The following RIPK1 variants were observed in gnomAD, a reference collection of about 807,000 sequenced individuals.
RIPK1 encodes receptor interacting serine/threonine kinase 1.
A neutral mutation model predicts 62.4 loss-of-function variants in RIPK1; 27 were observed. That is an observed-to-expected ratio of 0.43 (90% confidence interval 0.32 to 0.60). The LOEUF (loss-of-function observed/expected upper bound fraction) is 0.60, where lower values mean the gene tolerates loss of function less well. RIPK1 is among the 20% of genes least tolerant of loss of function. RIPK1 has a pLI of 0.07. For missense variants in RIPK1, 735 were observed against 831.0 expected (o/e 0.88, Z 1.42); for synonymous variants, 287 against 303.2 (o/e 0.95, Z 0.55).
At chr6:3,109,022 T>A (rs751844860) in intron 9 of RIPK1, among the ~76,000 whole-genome samples, 3 of 152,172 alleles carry the variant, frequency 2.0e-5, no homozygotes, top group Non-Finnish European at 2.9e-5. Context: ...TACAAAGATA[T>A]GCCAAGTGCT....
chr6:3,104,166 T>A lies in RIPK1; in HGVS notation c.916-59T>A. 3 of 716,234 alleles carry A rather than the reference T, an allele frequency of 4.2e-6. No homozygotes were observed. The East Asian group carries it at 7.8e-5, about 19-fold the overall frequency. The allele number at this position is 716,234 out of a possible 1,614,324, so 44.4% of individuals were successfully genotyped here. A position where few individuals can be genotyped will look rare whatever the true frequency, so the allele number is the denominator to read the frequency against. The stretch of plus-strand genomic sequence containing the variant: ...AAATATGAATTCTTCTCGTTAAAAT[T>A]TTCTGGGACTCTATTTCCTGCTGTT... On this transcript the variant is annotated intron_variant, in intron 7 of 10. Transcript: ENST00000259808.
chr6:3,088,685 T>C (rs1308633341), intron 6 of RIPK1: 1 of 152,596 alleles, frequency 6.6e-6, no homozygotes, highest in Admixed American at 6.5e-5. Context: ...TCTGTGGTGG[T>C]TGGCTGGAAC....
At chr6:3,081,852 C>T (rs780853562) in intron 4 of RIPK1, among the ~76,000 whole-genome samples, 8 of 86,538 alleles carry the variant, frequency 9.2e-5, no homozygotes, top group Non-Finnish European at 8.2e-5. Flanking sequence ...AAGAGCGAAA[C>T]TCTGCCTTAA....
At chr6:3,074,373 GT>G (rs1012339953) in intron 1 of RIPK1, among the ~76,000 whole-genome samples, 25 of 152,180 alleles carry the variant, frequency 1.6e-4, no homozygotes, top group Non-Finnish European at 3.2e-4. Flanking sequence ...TGTATCAGTA[GT>G]TCATTTTTAT....
chr6:3,065,537 G>C (rs1330622342), upstream of RIPK1, among the ~76,000 whole-genome samples: 1 of 151,978 alleles, frequency 6.6e-6, no homozygotes, highest in Non-Finnish European at 1.5e-5. Context: ...AGATGGGTGT[G>C]GGGGAGGAGG....
intron 3 of RIPK1, among the ~76,000 whole-genome samples, chr6:3,080,124 A>G (rs1158007633): frequency 6.6e-6 from 1 of 152,256 alleles, no homozygotes; most frequent in East Asian, 1.9e-4. Context: ...AGCTATTAAC[A>G]GTGTAGCTCT....
At chr6:3,085,774 T>C (rs1406820) in intron 6 of RIPK1, among the ~76,000 whole-genome samples, 123,557 of 151,930 alleles carry the variant, frequency 0.81, 53,347 homozygotes, top group Non-Finnish European at 0.96. Flanking sequence ...TGGCAGCCCC[T>C]ATCCTACTTT....
intron 7 of RIPK1, among the ~76,000 whole-genome samples, chr6:3,090,013 G>A (rs180915404): frequency 1.2e-3 from 177 of 152,342 alleles, no homozygotes; most frequent in African/African-American, 4.1e-3. Flanking sequence ...AGGAATACTA[G>A]CCCAAGACAT....
chr6:3,101,239 T>A (rs745762327), intron 7 of RIPK1, among the ~76,000 whole-genome samples: 32 of 152,092 alleles, frequency 2.1e-4, no homozygotes, highest in Non-Finnish European at 4.3e-4. Context: ...GAGGACACAG[T>A]GAGACTCTGT....
In RIPK1 at chr6:3,105,048, C is replaced by G. The variant is rs1223637496; in HGVS notation, c.1007-434C>G. On this transcript the variant is annotated intron_variant, in intron 8 of 10. Coordinates refer to ENST00000259808, the MANE Select transcript of RIPK1 (RefSeq NM_001354930.2). The surrounding 1 kb of genome is among the most constrained non-coding windows in gnomAD (Gnocchi z 4.5). ...TGTATTTTCAGTAGAGATGGGGTTT[C>G]GCCATGTTGGCCAGGCTGGTCTCGA... 6.6e-6 allele frequency among the ~76,000 whole-genome samples: 1 copy of G among 152,084 alleles called. No individual in the cohort carries two copies. The highest frequency in any genetic ancestry group is 2.4e-5 in the African/African-American group (1 of 41,406).
At chr6:3,087,754 T>C (rs542007689) in intron 6 of RIPK1, among the ~76,000 whole-genome samples, 2 of 150,762 alleles carry the variant, frequency 1.3e-5, no homozygotes, top group Middle Eastern at 3.4e-3. Context: ...TTAGCCAGGA[T>C]GGTCTCCATC....
chr6:3,068,622 C>T lies in RIPK1; in HGVS notation c.-100C>T. 1.0e-6 allele frequency: 1 copy of T among 985,240 alleles called. No homozygotes were observed. Among genetic ancestry groups the T allele is most frequent in the Non-Finnish European group, 1.2e-6 (1 of 829,936 alleles). 61.0% of individuals were successfully genotyped at this position (985,240 alleles called of 1,614,324 possible). A position where few individuals can be genotyped will look rare whatever the true frequency, so the allele number is the denominator to read the frequency against. On this transcript the variant is annotated 5_prime_UTR_variant, in exon 1 of 11. Coordinates refer to ENST00000259808, the MANE Select transcript of RIPK1 (RefSeq NM_001354930.2). ...TCCGGGCGGGGCCGACGGAGCGCGG[C>T]AGGACTTGGCTGGACGGCGCGGCCA...
intron 7 of RIPK1, among the ~76,000 whole-genome samples, chr6:3,090,708 G>A (rs942276518): frequency 2.6e-5 from 4 of 152,006 alleles, no homozygotes; most frequent in East Asian, 3.9e-4. Flanking sequence ...AGAACATGAC[G>A]AACACACTTG....
At chr6:3,096,144 T>C (rs1026861244) in intron 7 of RIPK1, among the ~76,000 whole-genome samples, 3 of 152,290 alleles carry the variant, frequency 2.0e-5, no homozygotes, top group South Asian at 2.1e-4. Flanking sequence ...AGCCCACCTT[T>C]CTCTGAAATA....
chr6:3,082,188 T>G (rs898980185), intron 4 of RIPK1, among the ~76,000 whole-genome samples: 2 of 152,212 alleles, frequency 1.3e-5, no homozygotes, highest in East Asian at 3.9e-4. Flanking sequence ...CAGGAGCTGC[T>G]GACACAGGGG....
At chr6:3,104,186 G>A (rs772466959) in intron 7 of RIPK1, 39 bp from the exon 8 acceptor site, 2 of 883,016 alleles carry the variant, frequency 2.3e-6, no homozygotes, top group Non-Finnish European at 3.6e-6. Context: ...TCTATTTCCT[G>A]CTGTTCACTA....
At chr6:3,086,163 G>C (rs1342180716) in intron 6 of RIPK1, among the ~76,000 whole-genome samples, 1 of 152,194 alleles carries the variant, frequency 6.6e-6, no homozygotes, top group East Asian at 1.9e-4. Flanking sequence ...GTATTCTATG[G>C]TGTGGATGTA....
Position 3,068,680 on chromosome 6 carries a change from C to T in RIPK1, c.-61+19C>T. On this transcript the variant is annotated intron_variant, in intron 1 of 10. Transcript: ENST00000259808. ...GGGCGCGGTGAGCGGACTGGCACCG[C>T]GCGGGGAACATTCCGGAGGCCGCCG... 1.0e-6 allele frequency: 1 copy of T among 984,878 alleles called. No homozygotes were observed. The highest frequency in any genetic ancestry group is 1.7e-5 in the African/African-American group (1 of 57,318). 61.0% of individuals were successfully genotyped at this position (984,878 alleles called of 1,614,324 possible).
chr6:3,085,767 C>A (rs1255892285), intron 6 of RIPK1, among the ~76,000 whole-genome samples: 1 of 152,220 alleles, frequency 6.6e-6, no homozygotes, highest in Non-Finnish European at 1.5e-5. Context: ...CTGCCCCTGG[C>A]AGCCCCTATC....
Sources: allele counts gnomAD v4.1 joint callset (sites outside exome capture counted in the v4.1 genomes callset), GRCh38; gene constraint gnomAD v4.1.1; non-coding constraint Gnocchi (gnomAD v3.1); transcripts MANE v1.5; gene names NCBI Gene and HGNC (gene_info 2026-07-23, HGNC 2026-07-21).